OAS3: variants seen among roughly 807,000 people sequenced by gnomAD.
OAS3 encodes the protein 2'-5'-oligoadenylate synthase 3.
OAS3 carries 107 observed loss-of-function variants against 113.0 expected under a neutral mutation model. The ratio of observed to expected loss-of-function variants is 0.95; its 90% CI spans 0.81 to 1.11. OAS3 has a LOEUF of 1.11. Among genes scored for constraint, OAS3 ranks in the 50% most tolerant of loss-of-function variants. The pLI is 0.00. For missense variants in OAS3, 1,258 were observed against 1,389.1 expected (o/e 0.91, Z 1.50); for synonymous variants, 552 against 573.6 (o/e 0.96, Z 0.54).
At chr12:112,945,315 GAAAAAAAA>G (rs372510678) in intron 3 of OAS3, 5 of 120,184 alleles carry the variant, frequency 4.2e-5, no homozygotes, top group Admixed American at 2.6e-4. Context: ...CCATCTCAAG[GAAAAAAAA>G]AAAAAAAAAA....
rs1431342567 is a variant in OAS3, at chr12:112,948,807, TTGA to T, written c.1030-51_1030-49del. 7.5e-5 allele frequency: 104 copies of T among 1,389,608 alleles called. 1 individual carries two copies. In the East Asian group the frequency reaches 2.5e-3, roughly 34 times the overall value. 86.1% of individuals were successfully genotyped at this position (1,389,608 alleles called of 1,614,324 possible). The stretch of plus-strand genomic sequence containing the variant: ...GGAGCTGGGGAGAGAAGGCATTGGG[TTGA>T]TGCAGAAACCACTGCGCCTGGCTGA... On this transcript the variant is annotated intron_variant, in intron 5 of 15. Coordinates refer to ENST00000228928, the MANE Select transcript of OAS3 (RefSeq NM_006187.4).
rs924653232 is a variant in OAS3, at chr12:112,963,520, A to G, written c.2229+63A>G. The G allele has an allele frequency of 2.9e-6, 4 of 1,390,936 alleles. No individual in the cohort carries two copies. The African/African-American group carries it at 5.9e-5, about 21-fold the overall frequency. 86.2% of individuals were successfully genotyped at this position (1,390,936 alleles called of 1,614,324 possible). On this transcript the variant is annotated intron_variant, in intron 10 of 15. Transcript: ENST00000228928. The surrounding 1 kb of genome is among the most constrained non-coding windows in gnomAD (Gnocchi z 4.6). Reference sequence around the variant, plus strand: ...CCCTGCCTTCTAGTCAGGTTCCCTTAACCTGCCGGTGCACCCATCCCCAGC... The same window carrying G: ...CCCTGCCTTCTAGTCAGGTTCCCTTGACCTGCCGGTGCACCCATCCCCAGC...
At chr12:112,938,851 C>T (rs1365356055) in intron 1 of OAS3, 144 bp downstream of exon 1, 6 of 724,946 alleles carry the variant, frequency 8.3e-6, no homozygotes, top group African/African-American at 1.9e-5. Context: ...AATGTGCCAG[C>T]CCCGTGCTAA....
At chr12:112,955,510 T>C (rs1440071550) in intron 7 of OAS3, among the ~76,000 whole-genome samples, 2 of 152,244 alleles carry the variant, frequency 1.3e-5, no homozygotes, top group Non-Finnish European at 2.9e-5. Context: ...ACCTAGTTTA[T>C]TGAGAGTTTT....
intron 1 of OAS3, among the ~76,000 whole-genome samples, chr12:112,940,129 G>A (rs529661903): frequency 6.6e-6 from 1 of 152,298 alleles, no homozygotes; most frequent in Admixed American, 6.5e-5. Flanking sequence ...CTGTGCTTTC[G>A]TTTCCTCTTT....
intron 7 of OAS3, among the ~76,000 whole-genome samples, chr12:112,951,575 GGA>G (rs1379754981): frequency 6.6e-6 from 1 of 152,020 alleles, no homozygotes; most frequent in Non-Finnish European, 1.5e-5. Flanking sequence ...TGAATGTTTT[GGA>G]GATTTGTTTG....
intron 4 of OAS3, 61 bp from the exon 5 acceptor site, chr12:112,947,885 G>A (rs2136347446): frequency 3.5e-6 from 5 of 1,442,980 alleles, no homozygotes; most frequent in Admixed American, 4.7e-5. Context: ...TTGGAACCAG[G>A]TCCGTTTCAC....
chr12:112,967,674 C>A (rs2043948106), intron 13 of OAS3, 81 bp downstream of exon 13: 1 of 1,459,062 alleles, frequency 6.9e-7, no homozygotes, highest in Admixed American at 2.1e-5. Flanking sequence ...AAGCAGGGCC[C>A]AGCCCTGGCC....
intron 14 of OAS3, among the ~76,000 whole-genome samples, chr12:112,968,488 AAGTC>A (rs1164033085): frequency 6.6e-6 from 1 of 152,170 alleles, no homozygotes; most frequent in East Asian, 1.9e-4. Context: ...GTTTATCTGA[AAGTC>A]AAATTTAACT....
rs1344602010 is a variant in OAS3, at chr12:112,944,601, C to T, written c.586C>T (p.Pro196Ser). Reference protein sequence around the residue: ...ELRRNFVNIRPAKLKNLILLV... With the variant: ...ELRRNFVNIRSAKLKNLILLV... ...GCGGAGGAACTTTGTGAACATTCGCCCAGCCAAGTTGAAGAACCTAATCTT... is the reference window on the plus strand; with the variant it reads ...GCGGAGGAACTTTGTGAACATTCGCTCAGCCAAGTTGAAGAACCTAATCTT... The change falls in exon 3 of 16, where the codon CCA becomes TCA. Residue 196 changes from proline to serine, a missense_variant. By Grantham distance (74) the Pro-to-Ser change is moderately conservative. Coordinates refer to ENST00000228928, the MANE Select transcript of OAS3 (RefSeq NM_006187.4). The T allele has an allele frequency of 6.2e-7, 1 of 1,614,060 alleles. No homozygotes were observed. The highest frequency in any genetic ancestry group is 1.3e-5 in the African/African-American group (1 of 75,064).
intron 14 of OAS3, 54 bp from the exon 15 acceptor site, chr12:112,969,554 G>A: frequency 6.4e-7 from 1 of 1,562,128 alleles, no homozygotes; most frequent in Non-Finnish European, 8.7e-7. Context: ...CAGTGCCACA[G>A]GTGGACACCT....
At chr12:112,969,930 G>C in intron 15 of OAS3, 32 bp from the exon 16 acceptor site, 1 of 1,605,374 alleles carries the variant, frequency 6.2e-7, no homozygotes, top group Non-Finnish European at 8.5e-7. Context: ...GAAAGAATGG[G>C]GTTACCAACA....
intron 12 of OAS3, among the ~76,000 whole-genome samples, chr12:112,967,162 C>T (rs1174546585): frequency 6.6e-6 from 1 of 152,170 alleles, no homozygotes; most frequent in Non-Finnish European, 1.5e-5. Context: ...TAGCTCCCAG[C>T]TGAGACTTTT....
chr12:112,941,508 C>A, intron 1 of OAS3, 62 bp from the exon 2 acceptor site: 2 of 1,548,274 alleles, frequency 1.3e-6, no homozygotes, highest in Admixed American at 1.8e-5. Flanking sequence ...AAGTTGCCTG[C>A]CAGGTTGCAA....
rs1266060105 is a variant in OAS3, at chr12:112,967,629, C to T, written c.2865+36C>T. The T allele has an allele frequency of 1.9e-6, 3 of 1,594,208 alleles. No homozygotes were observed. The African/African-American group carries it at 4.0e-5, about 21-fold the overall frequency. ...TGGATAGGCCACCTTCCTAAGTTGC[C>T]CTGGGATCTGCCTCTGGAGCACTTT... On this transcript the variant is annotated intron_variant, in intron 13 of 15. Transcript: ENST00000228928.
intron 1 of OAS3, among the ~76,000 whole-genome samples, chr12:112,939,131 G>A (rs1039719830): frequency 6.6e-6 from 1 of 152,078 alleles, no homozygotes; most frequent in Admixed American, 6.5e-5. Flanking sequence ...AACACTCCGC[G>A]TAACAGCCAG....
At chr12:112,969,892 A>T (rs2043968902) in intron 15 of OAS3, 70 bp from the exon 16 acceptor site, 2 of 1,594,090 alleles carry the variant, frequency 1.3e-6, no homozygotes, top group African/African-American at 1.3e-5. Context: ...CCATTTTCCC[A>T]TCCGGCTGTG....
chr12:112,966,016 C>G lies in OAS3; in HGVS notation c.2676C>G (p.Ala892=). The change falls in exon 12 of 16, where the codon GCC becomes GCG. Residue 892 remains alanine, a synonymous_variant. Transcript: ENST00000228928. The part of the protein sequence containing the change: ...DQSVDFDVLP[A]FDALGQLVSG... The stretch of plus-strand genomic sequence containing the variant: ...GTGTGGACTTTGATGTGCTGCCAGC[C>G]TTTGACGCCCTAGGTGAGGTGCCCT... 1 of 1,614,004 alleles carries G rather than the reference C, an allele frequency of 6.2e-7. No individual in the cohort carries two copies.
At chr12:112,943,311 C>G (rs991424508) in intron 2 of OAS3, among the ~76,000 whole-genome samples, 1 of 152,160 alleles carries the variant, frequency 6.6e-6, no homozygotes, top group African/African-American at 2.4e-5. Context: ...CATGTTTTAT[C>G]TCATCAATTC....
Sources: gnomAD v4.1 joint callset for allele counts (sites outside exome capture counted in the v4.1 genomes callset) on GRCh38, gnomAD v4.1.1 for gene constraint, Gnocchi (gnomAD v3.1) non-coding constraint, MANE v1.5 for transcripts, NCBI Gene and HGNC (gene_info 2026-07-23, HGNC 2026-07-21) for gene names.